PLPPR1: variants seen among roughly 807,000 people sequenced by gnomAD.
The protein encoded by PLPPR1 is phospholipid phosphatase-related protein type 1.
A neutral mutation model predicts 33.1 loss-of-function variants in PLPPR1; 10 were observed. That is an observed-to-expected ratio of 0.30 (90% CI 0.19 to 0.51). The LOEUF (loss-of-function observed/expected upper bound fraction) is 0.51. PLPPR1 is among the 20% of genes least tolerant of loss of function. The pLI is 0.97. For missense variants in PLPPR1, 304 were observed against 408.1 expected (o/e 0.74, Z 2.20); for synonymous variants, 151 against 151.0 (o/e 1.00, Z 0.00).
Position 101,286,216 on chromosome 9 carries a change from G to A in PLPPR1, c.365G>A (p.Arg122Gln), listed in dbSNP as rs924333774. The A allele has an allele frequency of 1.2e-6, 2 of 1,613,698 alleles. No individual in the cohort carries two copies. The highest frequency in any genetic ancestry group is 1.7e-6 in the Non-Finnish European group (2 of 1,179,734). ...GECCYLNPLL[R>Q]RIIRFTGVFA... is the part of the protein sequence containing the mutation. ...TGCTGTTACCTGAACCCCTTACTTC[G>A]AAGGATCATAAGATTCACAGGTGAG... is the stretch of plus-strand genomic sequence containing the variant. Residue 122 changes from arginine to glutamine, a missense_variant, in exon 4 of 8, where the codon CGA becomes CAA. Physicochemically the swap from Arg to Gln is conservative, Grantham distance 43 (BLOSUM62 1). Transcript: ENST00000374874.
intron 2 of PLPPR1, among the ~76,000 whole-genome samples, chr9:101,195,180 A>T: frequency 6.6e-6 from 1 of 152,168 alleles, no homozygotes; most frequent in East Asian, 1.9e-4. Context: ...AGGCTTTTAT[A>T]GCTTCATATT....
intron 4 of PLPPR1, among the ~76,000 whole-genome samples, chr9:101,292,541 G>C (rs1301626230): frequency 1.4e-5 from 2 of 145,496 alleles, no homozygotes; most frequent in African/African-American, 5.0e-5. Flanking sequence ...CAGCCAGAGA[G>C]AATGGTCGGG....
intron 1 of PLPPR1, among the ~76,000 whole-genome samples, chr9:101,116,701 C>T (rs1831122017): frequency 6.6e-6 from 1 of 151,560 alleles, no homozygotes; most frequent in Admixed American, 6.6e-5. Context: ...GTCCCAACTA[C>T]TCAGGAGGCT....
intron 1 of PLPPR1, among the ~76,000 whole-genome samples, chr9:101,089,357 C>T (rs975991223): frequency 6.6e-6 from 1 of 151,998 alleles, no homozygotes; most frequent in South Asian, 2.1e-4. Context: ...TAACCAAACA[C>T]ATTGTTATTG....
intron 4 of PLPPR1, among the ~76,000 whole-genome samples, chr9:101,297,243 A>T (rs1357694689): frequency 6.8e-6 from 1 of 148,002 alleles, no homozygotes; most frequent in Non-Finnish European, 1.5e-5. Context: ...GTGAGGGCAG[A>T]ATAAAGGCTA....
At chr9:101,157,973 C>T (rs1831718428) in intron 1 of PLPPR1, among the ~76,000 whole-genome samples, 1 of 152,026 alleles carries the variant, frequency 6.6e-6, no homozygotes. Context: ...CATTGCACTC[C>T]AGCCTGGGTG....
intron 1 of PLPPR1, among the ~76,000 whole-genome samples, chr9:101,173,128 G>T (rs1486606639): frequency 6.6e-6 from 1 of 151,916 alleles, no homozygotes; most frequent in Non-Finnish European, 1.5e-5. Context: ...TTATTTCATG[G>T]CAAAGTGAAA....
chr9:101,110,180 T>A (rs190299700), intron 1 of PLPPR1, among the ~76,000 whole-genome samples: 1 of 152,216 alleles, frequency 6.6e-6, no homozygotes, highest in African/African-American at 2.4e-5. Context: ...TCACCAGGCT[T>A]CAGAATTCAT....
chr9:101,062,263 T>A (rs1330706690), intron 1 of PLPPR1, among the ~76,000 whole-genome samples: 1 of 151,860 alleles, frequency 6.6e-6, no homozygotes, highest in East Asian at 1.9e-4. Flanking sequence ...ATTAACCACC[T>A]CAATGCAAGC....
intron 4 of PLPPR1, among the ~76,000 whole-genome samples, chr9:101,301,588 G>A (rs116892670): frequency 0.02 from 3,028 of 152,268 alleles, 42 homozygotes; most frequent in Middle Eastern, 0.068. Flanking sequence ...TGGTGTTTGT[G>A]CAGTATCGAT....
intron 1 of PLPPR1, among the ~76,000 whole-genome samples, chr9:101,160,665 T>C (rs1476142199): frequency 6.6e-6 from 1 of 152,084 alleles, no homozygotes; most frequent in Non-Finnish European, 1.5e-5. Flanking sequence ...ATGGAGAGCA[T>C]AAAATTAGAC....
intron 1 of PLPPR1, among the ~76,000 whole-genome samples, chr9:101,086,433 C>G (rs941935878): frequency 6.6e-6 from 1 of 152,032 alleles, no homozygotes; most frequent in Non-Finnish European, 1.5e-5. Flanking sequence ...GACCTTTTTG[C>G]CCATTTTGCT....
At chr9:101,323,996 G>T (rs1419930872) in intron 7 of PLPPR1, 29 bp from the exon 8 acceptor site, 1 of 1,609,558 alleles carries the variant, frequency 6.2e-7, no homozygotes, top group Non-Finnish European at 8.5e-7. Context: ...CCCTATCTCA[G>T]ATTTTATCTG....
rs1194586232 is a variant in PLPPR1 at position 101,276,855 on chromosome 9, G to GA, written c.252+6789dup. On this transcript the variant is annotated intron_variant, in intron 3 of 7. Coordinates refer to ENST00000374874, the MANE Select transcript of PLPPR1 (RefSeq NM_207299.2). ...TATCCCATTTACTGAACTCTTTTCA[G>GA]AATCATCCAAACAGCCTTGGTTCCA... Among the ~76,000 whole-genome samples the GA allele has an allele frequency of 2.6e-5, 4 of 152,148 alleles. No homozygotes were observed. In the East Asian group the frequency reaches 7.7e-4, roughly 29 times the overall value.
At chr9:101,190,540 A>G (rs1402460444) in intron 2 of PLPPR1, among the ~76,000 whole-genome samples, 2 of 152,090 alleles carry the variant, frequency 1.3e-5, no homozygotes, top group African/African-American at 4.8e-5. Flanking sequence ...TAATTGTATG[A>G]GCAGAGTTTT....
chr9:101,299,553 C>A (rs1019646675), intron 4 of PLPPR1, among the ~76,000 whole-genome samples: 1 of 152,104 alleles, frequency 6.6e-6, no homozygotes, highest in Non-Finnish European at 1.5e-5. Context: ...AAGACTCCTA[C>A]CCTAGAACTC....
chr9:101,310,211 T>A (rs531866022), intron 5 of PLPPR1, among the ~76,000 whole-genome samples: 6 of 152,234 alleles, frequency 3.9e-5, no homozygotes, highest in Non-Finnish European at 8.8e-5. Flanking sequence ...CATTTCACTC[T>A]TGTCTGGCTT....
At chr9:101,211,279 A>G (rs988746451) in intron 2 of PLPPR1, among the ~76,000 whole-genome samples, 6 of 152,230 alleles carry the variant, frequency 3.9e-5, no homozygotes, top group African/African-American at 1.2e-4. Context: ...ATGAACACAA[A>G]ACATTTCATA....
In PLPPR1 at chr9:101,282,406, T is replaced by C. The variant is rs1044370124; in HGVS notation, c.253-3698T>C. Among the ~76,000 whole-genome samples the C allele has an allele frequency of 9.2e-5, 14 of 152,158 alleles. No homozygotes were observed. The South Asian group carries it at 2.9e-3, about 32-fold the overall frequency. ...CCTCAACAAATTAGGTATAAAGAAATGTAACCCAATACAATAGAGGCCATA... is the reference window on the plus strand; with the variant it reads ...CCTCAACAAATTAGGTATAAAGAAACGTAACCCAATACAATAGAGGCCATA... On this transcript the variant is annotated intron_variant, in intron 3 of 7. Coordinates refer to ENST00000374874, the MANE Select transcript of PLPPR1 (RefSeq NM_207299.2).
Sources: allele counts gnomAD v4.1 joint callset (sites outside exome capture counted in the v4.1 genomes callset), GRCh38; gene constraint gnomAD v4.1.1; transcripts MANE v1.5; gene names NCBI Gene and HGNC (gene_info 2026-07-23, HGNC 2026-07-21).